TRERF1: variants seen among roughly 807,000 people sequenced by gnomAD.
TRERF1 encodes transcriptional-regulating factor 1.
TRERF1 carries 27 observed loss-of-function variants against 122.9 expected under a neutral mutation model. The ratio of observed to expected loss-of-function variants is 0.22; its 90% confidence interval spans 0.16 to 0.30. TRERF1 has a LOEUF of 0.30. Among genes scored for constraint, TRERF1 ranks in the 10% least tolerant of loss-of-function variants. The pLI, the probability that TRERF1 is intolerant of heterozygous loss-of-function variation, is 1.00. For synonymous variants in TRERF1, 636 were observed against 641.7 expected (o/e 0.99, Z 0.13); for missense variants, 1,248 against 1,560.3 (o/e 0.80, Z 3.37).
intron 2 of TRERF1, among the ~76,000 whole-genome samples, chr6:42,436,814 AATATATATATATATATAT>A (rs56057543): frequency 3.0e-5 from 2 of 66,694 alleles, no homozygotes; most frequent in Admixed American, 2.4e-4. Context: ...AAAAAAAAAA[AATATATATATATATATAT>A]ATATATATAT....
rs1339898470 is a variant in TRERF1, at chr6:42,268,785, T to C, written c.806A>G (p.Tyr269Cys). 1.2e-6 allele frequency: 2 copies of C among 1,614,024 alleles called. No homozygotes were observed. Among genetic ancestry groups the C allele is most frequent in the African/African-American group, 1.3e-5 (1 of 74,888 alleles). Residue 269 changes from tyrosine to cysteine, a missense_variant, in exon 5 of 18, where the codon TAT becomes TGT. Physicochemically the swap from Tyr to Cys is radical, Grantham distance 194. Around this residue, in one of 5 missense-constraint regions of TRERF1, gnomAD observed 946 missense variants for 1,073.0 expected, o/e 0.88. Transcript: ENST00000372922. The surrounding 1 kb of genome is among the most constrained non-coding windows in gnomAD (Gnocchi z 4.4). Reference sequence around the variant, plus strand: ...TTGCTGCTGTTGCTGCGGTGGGTAATACTGGTGCTGCTGCATCTGTTGCAT... The same window carrying C: ...TTGCTGCTGTTGCTGCGGTGGGTAACACTGGTGCTGCTGCATCTGTTGCAT...
chr6:42,251,623 G>A (rs974595167), intron 13 of TRERF1, among the ~76,000 whole-genome samples: 1 of 152,096 alleles, frequency 6.6e-6, no homozygotes, highest in South Asian at 2.1e-4. Context: ...TAGAGACATA[G>A]GCTAAGGATG....
At chr6:42,425,001 C>T (rs1275283536) in intron 2 of TRERF1, among the ~76,000 whole-genome samples, 2 of 152,154 alleles carry the variant, frequency 1.3e-5, no homozygotes, top group African/African-American at 4.8e-5. Flanking sequence ...CTCAGTTAGT[C>T]TTCAAGTTCT....
At chr6:42,374,954 T>C (rs576949284) in intron 2 of TRERF1, among the ~76,000 whole-genome samples, 11 of 139,514 alleles carry the variant, frequency 7.9e-5, no homozygotes, top group Non-Finnish European at 1.5e-4. Context: ...GAGGTTGTAG[T>C]GAGCCAAGGT....
At chr6:42,369,145 T>C (rs1270059464) in intron 2 of TRERF1, among the ~76,000 whole-genome samples, 1 of 152,132 alleles carries the variant, frequency 6.6e-6, no homozygotes, top group Non-Finnish European at 1.5e-5. Flanking sequence ...ATAAGAAGGC[T>C]GGGATCTAAA....
chr6:42,321,022 G>T (rs1161225029), intron 3 of TRERF1, among the ~76,000 whole-genome samples: 1 of 151,966 alleles, frequency 6.6e-6, no homozygotes, highest in South Asian at 2.1e-4. Context: ...ACTCAGAGAC[G>T]CCAGAACAAC....
intron 2 of TRERF1, among the ~76,000 whole-genome samples, chr6:42,447,359 G>A (rs911554176): frequency 6.6e-6 from 1 of 152,342 alleles, no homozygotes; most frequent in Middle Eastern, 3.4e-3. Context: ...TCATGTTACT[G>A]AGACTATATT....
chr6:42,369,069 G>C (rs899711520), intron 2 of TRERF1, among the ~76,000 whole-genome samples: 48 of 152,208 alleles, frequency 3.2e-4, no homozygotes, highest in African/African-American at 1.2e-3. Flanking sequence ...GACATCAACT[G>C]TTTCCTTTTA....
chr6:42,405,800 A>AT (rs1490491877), intron 2 of TRERF1, among the ~76,000 whole-genome samples: 1 of 150,960 alleles, frequency 6.6e-6, no homozygotes, highest in African/African-American at 2.4e-5. Context: ...GTCTCAAAAA[A>AT]AAAAAAATTA....
intron 3 of TRERF1, among the ~76,000 whole-genome samples, chr6:42,344,379 T>C (rs1767874660): frequency 6.6e-6 from 1 of 152,166 alleles, no homozygotes; most frequent in African/African-American, 2.4e-5. Flanking sequence ...TCATTTCAGC[T>C]GTACAAAAAT....
intron 4 of TRERF1, among the ~76,000 whole-genome samples, chr6:42,274,931 G>C (rs928144269): frequency 6.6e-6 from 1 of 152,050 alleles, no homozygotes; most frequent in African/African-American, 2.4e-5. Context: ...GTAAAAATAC[G>C]GGCGTGAAAA....
chr6:42,302,102 C>G (rs1396616661), intron 3 of TRERF1, among the ~76,000 whole-genome samples: 3 of 152,188 alleles, frequency 2.0e-5, no homozygotes, highest in Non-Finnish European at 2.9e-5. Flanking sequence ...ACTATGGCAA[C>G]CCCGCCTGAA....
chr6:42,333,827 A>T (rs958521606), intron 3 of TRERF1, among the ~76,000 whole-genome samples: 1 of 152,186 alleles, frequency 6.6e-6, no homozygotes, highest in African/African-American at 2.4e-5. Context: ...ATACAAAGAC[A>T]CTGAGGCCCA....
chr6:42,239,607 C>T (rs1379276515), intron 15 of TRERF1, among the ~76,000 whole-genome samples: 1 of 152,168 alleles, frequency 6.6e-6, no homozygotes, highest in Non-Finnish European at 1.5e-5. Flanking sequence ...GGTCACCCGC[C>T]CTTACGTAAA....
chr6:42,422,845 C>CT (rs895409271), intron 2 of TRERF1, among the ~76,000 whole-genome samples: 51 of 145,462 alleles, frequency 3.5e-4, no homozygotes, highest in South Asian at 6.6e-4. Context: ...GCGTGAGCAT[C>CT]TTTTTTTTTT....
chr6:42,413,825 A>G (rs1781462770), intron 2 of TRERF1, among the ~76,000 whole-genome samples: 1 of 152,208 alleles, frequency 6.6e-6, no homozygotes, highest in Admixed American at 6.5e-5. Flanking sequence ...CAAAATTTAC[A>G]TAAGAAAAAA....
At chr6:42,233,214 C>T (rs1770984105) in intron 16 of TRERF1, among the ~76,000 whole-genome samples, 1 of 151,836 alleles carries the variant, frequency 6.6e-6, no homozygotes, top group South Asian at 2.1e-4. Flanking sequence ...AGCTGTTGGG[C>T]CATTTCCCTT....
intron 3 of TRERF1, among the ~76,000 whole-genome samples, chr6:42,345,460 G>A (rs1768097574): frequency 5.9e-5 from 9 of 152,162 alleles, no homozygotes; most frequent in Admixed American, 5.9e-4. Flanking sequence ...CGGCAATGCT[G>A]AGAGAAATAA....
At chr6:42,356,697 C>G (rs1471483858) in intron 3 of TRERF1, among the ~76,000 whole-genome samples, 2 of 152,180 alleles carry the variant, frequency 1.3e-5, no homozygotes, top group African/African-American at 4.8e-5. Context: ...GCCTCAGCCT[C>G]CCGAGTAGCT....
Sources: allele counts gnomAD v4.1 joint callset (sites outside exome capture counted in the v4.1 genomes callset), GRCh38; gene constraint gnomAD v4.1.1; regional missense constraint gnomAD v4.1.1; non-coding constraint Gnocchi (gnomAD v3.1); transcripts MANE v1.5; gene names NCBI Gene and HGNC (gene_info 2026-07-23, HGNC 2026-07-21).